FLVCR2: variants seen among roughly 807,000 people sequenced by gnomAD.
The protein encoded by FLVCR2 is choline/ethanolamine transporter FLVCR2.
In FLVCR2, 38 loss-of-function variants were observed where a neutral mutation model predicts 48.9. That is an observed-to-expected ratio of 0.78 (90% confidence interval 0.60 to 1.02). The LOEUF (loss-of-function observed/expected upper bound fraction) is 1.02, where lower values mean the gene tolerates loss of function less well. Among genes scored for constraint, FLVCR2 ranks in the 50% least tolerant of loss-of-function variants. FLVCR2 has a pLI of 0.00. For missense variants in FLVCR2, 664 were observed against 663.3 expected (o/e 1.00, Z -0.01); for synonymous variants, 255 against 257.0 (o/e 0.99, Z 0.07).
intron 1 of FLVCR2, among the ~76,000 whole-genome samples, chr14:75,580,441 G>A (rs181673504): frequency 7.7e-4 from 118 of 152,296 alleles, no homozygotes; most frequent in African/African-American, 2.6e-3. Context: ...TCCCAGTCTC[G>A]CATCTTTCCA....
rs1335156466 is a variant in FLVCR2 at position 75,646,484 on chromosome 14, T to G, written c.*12T>G. On this transcript the variant is annotated 3_prime_UTR_variant, in exon 10 of 10. Transcript: ENST00000238667. Reference sequence around the variant, plus strand: ...AGGATCATCTCTGAGAGGAAGGTGGTGACAACTCAGGGAACACGAACACCC... The same window carrying G: ...AGGATCATCTCTGAGAGGAAGGTGGGGACAACTCAGGGAACACGAACACCC... The G allele has an allele frequency of 6.2e-7, 1 of 1,603,578 alleles. No individual in the cohort carries two copies. Among genetic ancestry groups the G allele is most frequent in the African/African-American group, 1.3e-5 (1 of 74,696 alleles).
chr14:75,591,806 CTTTTTTTTTT>C (rs1163085989), intron 1 of FLVCR2, among the ~76,000 whole-genome samples: 1 of 109,312 alleles, frequency 9.1e-6, no homozygotes, highest in African/African-American at 3.8e-5. Context: ...CTCTTCATTC[CTTTTTTTTTT>C]TTTTTTTTTT....
rs192074091 is a variant in FLVCR2, at chr14:75,642,236, A to G, written c.1509+338A>G. On this transcript the variant is annotated intron_variant, in intron 9 of 9. Transcript: ENST00000238667. The stretch of plus-strand genomic sequence containing the variant: ...AGCCGAGTCCTGAGGCTCTGGCTCC[A>G]CTGTTTTCAGCCTGGGGTCAGTGGC... Among the ~76,000 whole-genome samples, 39 of 152,242 alleles carry G rather than the reference A, an allele frequency of 2.6e-4. No individual in the cohort carries two copies. In the South Asian group the frequency reaches 3.3e-3, roughly 13 times the overall value.
chr14:75,629,823 A>G (rs2140044494), intron 3 of FLVCR2, among the ~76,000 whole-genome samples: 2 of 152,392 alleles, frequency 1.3e-5, no homozygotes, highest in Non-Finnish European at 2.9e-5. Flanking sequence ...ATGCTTCTGA[A>G]TAAACTTGCA....
At chr14:75,624,777 T>A in intron 3 of FLVCR2, 25 bp downstream of exon 3, 1 of 1,613,764 alleles carries the variant, frequency 6.2e-7, no homozygotes, top group Non-Finnish European at 8.5e-7. Flanking sequence ...TGTCTAGGAA[T>A]GCATTCGAGC....
At chr14:75,579,913 T>G (rs928169246) in intron 1 of FLVCR2, among the ~76,000 whole-genome samples, 4 of 152,240 alleles carry the variant, frequency 2.6e-5, no homozygotes, top group African/African-American at 9.6e-5. Flanking sequence ...CTCGAACCTG[T>G]GTCAGTCCAC....
At chr14:75,602,374 G>T (rs144015476) in intron 1 of FLVCR2, among the ~76,000 whole-genome samples, 15 of 151,798 alleles carry the variant, frequency 9.9e-5, no homozygotes, top group East Asian at 1.9e-4. Context: ...CTCCCTGGAG[G>T]GGGTAGAGGG....
chr14:75,592,531 C>G (rs1888911969), intron 1 of FLVCR2, among the ~76,000 whole-genome samples: 1 of 152,172 alleles, frequency 6.6e-6, no homozygotes, highest in Non-Finnish European at 1.5e-5. Context: ...CCTTAGATTC[C>G]TCTTCTGAAA....
chr14:75,631,861 G>C, intron 3 of FLVCR2: 1 of 455,964 alleles, frequency 2.2e-6, no homozygotes, highest in Non-Finnish European at 4.4e-6. Context: ...AATGCTGCTT[G>C]AATGAGATGT....
At chr14:75,613,917 C>A (rs1337224746) in intron 1 of FLVCR2, among the ~76,000 whole-genome samples, 2 of 152,192 alleles carry the variant, frequency 1.3e-5, no homozygotes, top group Non-Finnish European at 2.9e-5. Flanking sequence ...AACACTTTCT[C>A]CCAAGTTGTC....
chr14:75,579,586 G>C lies in FLVCR2; in HGVS notation c.614G>C (p.Trp205Ser). 6.2e-7 allele frequency: 1 copy of C among 1,614,104 alleles called. No homozygotes were observed. Among genetic ancestry groups the C allele is most frequent in the Non-Finnish European group, 8.5e-7 (1 of 1,180,036 alleles). ...LGMPSRIASVWFGANEVSTAC... is the reference protein window; with the variant it reads ...LGMPSRIASVSFGANEVSTAC... ...ATGCCCTCCCGCATCGCTTCCGTCT[G>C]GTTCGGGGCTAATGAGGTTTCAACA... The change falls in exon 1 of 10, where the codon TGG becomes TCG. Residue 205 changes from tryptophan to serine, a missense_variant. Physicochemically the swap from Trp to Ser is radical, Grantham distance 177 (BLOSUM62 -3). Transcript: ENST00000238667.
intron 5 of FLVCR2, among the ~76,000 whole-genome samples, chr14:75,636,584 T>G (rs1374116649): frequency 1.5e-4 from 23 of 152,180 alleles, no homozygotes; most frequent in Non-Finnish European, 2.9e-5. Flanking sequence ...GGAAGAACAC[T>G]TTCTCAGCCC....
chr14:75,640,747 G>A, intron 6 of FLVCR2: 1 of 610,208 alleles, frequency 1.6e-6, no homozygotes, highest in African/African-American at 1.8e-5. Flanking sequence ...CTGAGCACAA[G>A]GTCTCCCTGT....
At chr14:75,603,535 A>T (rs1889216754) in intron 1 of FLVCR2, among the ~76,000 whole-genome samples, 2 of 152,108 alleles carry the variant, frequency 1.3e-5, no homozygotes, top group Admixed American at 6.5e-5. Flanking sequence ...CCATCTTTCA[A>T]TTCGTTTGTG....
chr14:75,643,288 T>C (rs1890346490), intron 9 of FLVCR2, among the ~76,000 whole-genome samples: 2 of 152,248 alleles, frequency 1.3e-5, no homozygotes, highest in African/African-American at 2.4e-5. Flanking sequence ...GTGATTAATA[T>C]GTTGGAAGCT....
At chr14:75,614,587 A>G (rs1398324602) in intron 1 of FLVCR2, among the ~76,000 whole-genome samples, 1 of 152,242 alleles carries the variant, frequency 6.6e-6, no homozygotes, top group East Asian at 1.9e-4. Flanking sequence ...GACTTGTTCA[A>G]TCTGGCTGGA....
chr14:75,603,226 T>C lies in FLVCR2; in HGVS notation c.670-18853T>C, dbSNP rs558541227. Among the ~76,000 whole-genome samples the C allele has an allele frequency of 2.0e-3, 309 of 152,320 alleles. 2 individuals are homozygous for C. The highest frequency in any genetic ancestry group is 2.4e-3 in the Non-Finnish European group (166 of 68,030). ...AAACCGCAGCCCAAAGTGAGAACTT[T>C]ACATCATTTTCCTGCTGGAATATTG... On this transcript the variant is annotated intron_variant, in intron 1 of 9. Coordinates refer to ENST00000238667, the MANE Select transcript of FLVCR2 (RefSeq NM_017791.3).
intron 3 of FLVCR2, among the ~76,000 whole-genome samples, chr14:75,630,016 G>T (rs565365951): frequency 6.6e-6 from 1 of 152,156 alleles, no homozygotes. Context: ...GAGCTTTGCC[G>T]AGGTCAAGCT....
intron 1 of FLVCR2, among the ~76,000 whole-genome samples, chr14:75,583,941 T>G (rs1888673407): frequency 6.6e-6 from 1 of 152,228 alleles, no homozygotes; most frequent in Non-Finnish European, 1.5e-5. Flanking sequence ...AGCGTCAGTC[T>G]TCAGCTGCTA....
Sources: allele counts gnomAD v4.1 joint callset (sites outside exome capture counted in the v4.1 genomes callset), GRCh38; gene constraint gnomAD v4.1.1; transcripts MANE v1.5; gene names NCBI Gene and HGNC (gene_info 2026-07-23, HGNC 2026-07-21).